MMP16: variants seen among roughly 807,000 people sequenced by gnomAD.
MMP16 encodes the protein matrix metalloproteinase-16.
A neutral mutation model predicts 67.8 loss-of-function variants in MMP16; 12 were observed. The observed-to-expected ratio is 0.18, with a 90% CI of 0.11 to 0.29. The LOEUF (loss-of-function observed/expected upper bound fraction) is 0.29, where lower values mean the gene tolerates loss of function less well. Ranked by LOEUF, MMP16 falls within the 10% of genes least tolerant of loss-of-function variation. The pLI is 1.00. For missense variants in MMP16, 475 were observed against 765.7 expected, an observed-to-expected ratio of 0.62 and a Z score of 4.48; for synonymous variants, 249 against 255.9, an observed-to-expected ratio of 0.97 and a Z score of 0.26.
At chr8:88,087,073 C>T (rs1808846216) in intron 6 of MMP16, among the ~76,000 whole-genome samples, 1 of 151,852 alleles carries the variant, frequency 6.6e-6, no homozygotes, top group Non-Finnish European at 1.5e-5. Context: ...TCTTAGGTGT[C>T]CTCCCAGAAC....
chr8:88,170,572 G>A (rs182531874), intron 3 of MMP16, among the ~76,000 whole-genome samples: 3 of 152,270 alleles, frequency 2.0e-5, no homozygotes, highest in Admixed American at 2.0e-4. Context: ...CACTGTTCCA[G>A]GTGCCAGAGA....
intron 1 of MMP16, among the ~76,000 whole-genome samples, chr8:88,287,268 G>T (rs189990968): frequency 5.1e-4 from 77 of 152,208 alleles, no homozygotes; most frequent in Non-Finnish European, 1.0e-3. Context: ...CCAGCCCTTT[G>T]TTCTCAGTAA....
intron 1 of MMP16, among the ~76,000 whole-genome samples, chr8:88,229,779 C>A (rs543019310): frequency 7.3e-5 from 11 of 151,662 alleles, no homozygotes; most frequent in Non-Finnish European, 1.3e-4. Context: ...ATGTGAATAA[C>A]AAGAGAGATG....
chr8:88,276,092 A>G (rs1448467613), intron 1 of MMP16, among the ~76,000 whole-genome samples: 2 of 152,076 alleles, frequency 1.3e-5, no homozygotes, highest in African/African-American at 4.8e-5. Flanking sequence ...CTTAACATTT[A>G]AAGTTAAGCA....
intron 6 of MMP16, among the ~76,000 whole-genome samples, chr8:88,108,455 G>C (rs771153701): frequency 7.3e-5 from 11 of 151,146 alleles, no homozygotes; most frequent in Non-Finnish European, 1.5e-4. Flanking sequence ...AGGACACTAA[G>C]CATTTGTCTA....
chr8:88,096,472 G>C (rs1425460391), intron 6 of MMP16, among the ~76,000 whole-genome samples: 1 of 151,870 alleles, frequency 6.6e-6, no homozygotes, highest in Non-Finnish European at 1.5e-5. Flanking sequence ...CAAAGTTGAG[G>C]ACTGTATTTC....
chr8:88,076,656 T>G (rs909553915), intron 6 of MMP16, among the ~76,000 whole-genome samples: 1 of 152,106 alleles, frequency 6.6e-6, no homozygotes. Flanking sequence ...AATATGTCGG[T>G]GATATTCTAA....
At chr8:88,166,093 A>T (rs1190141309) in intron 4 of MMP16, among the ~76,000 whole-genome samples, 3 of 152,040 alleles carry the variant, frequency 2.0e-5, no homozygotes, top group Admixed American at 6.6e-5. Context: ...AACCTAATTT[A>T]TCCTATCCAA....
chr8:88,238,627 C>A (rs1170032138), intron 1 of MMP16, among the ~76,000 whole-genome samples: 1 of 142,100 alleles, frequency 7.0e-6, no homozygotes, highest in Non-Finnish European at 1.5e-5. Context: ...GACTGTGCCA[C>A]TGCACTCCAG....
At position 88,034,007 on chromosome 8, in the gene MMP16, G is replaced by A. The variant is rs1192647174; in HGVS notation, c.*7454C>T. ...ATTTCCTTAGCTATCCTATCAACAG[G>A]CAATACCCATCATACTCAGCATTTC... On this transcript the variant is annotated 3_prime_UTR_variant, in exon 10 of 10. Coordinates refer to ENST00000286614, the MANE Select transcript of MMP16 (RefSeq NM_005941.5). The A allele has an allele frequency of 6.6e-6, 1 of 151,842 alleles. No individual in the cohort carries two copies. Among genetic ancestry groups the A allele is most frequent in the African/African-American group, 2.4e-5 (1 of 41,352 alleles). The allele number at this position is 151,842 out of a possible 1,614,324, so 9.4% of individuals were successfully genotyped here. A position where few individuals can be genotyped will look rare whatever the true frequency, so the allele number is the denominator to read the frequency against.
chr8:88,108,271 T>C (rs1378996670), intron 6 of MMP16, among the ~76,000 whole-genome samples: 1 of 151,182 alleles, frequency 6.6e-6, no homozygotes, highest in Non-Finnish European at 1.5e-5. Context: ...CATAAAGAAA[T>C]AAGCTTTAGA....
At chr8:88,117,580 A>G (rs1044571710) in intron 5 of MMP16, among the ~76,000 whole-genome samples, 2 of 152,118 alleles carry the variant, frequency 1.3e-5, no homozygotes, top group Admixed American at 1.3e-4. Flanking sequence ...CTGATGACAC[A>G]CACTTAGAAA....
In MMP16 at chr8:88,073,199, T is replaced by C. The variant is rs193074849; in HGVS notation, c.1222+1406A>G. On this transcript the variant is annotated intron_variant, in intron 7 of 9. Coordinates refer to ENST00000286614, the MANE Select transcript of MMP16 (RefSeq NM_005941.5). ...AGAGGGGAATTTCCCTCCAATATCA[T>C]GTCACTAAAATTCACAGCCTTTAGG... Among the ~76,000 whole-genome samples the C allele has an allele frequency of 1.5e-3, 234 of 152,282 alleles. 1 individual carries two copies. Among genetic ancestry groups the C allele is most frequent in the East Asian group, 5.8e-4 (3 of 5,158 alleles).
At chr8:88,208,707 G>C (rs1809466841) in intron 1 of MMP16, among the ~76,000 whole-genome samples, 1 of 150,036 alleles carries the variant, frequency 6.7e-6, no homozygotes, top group Non-Finnish European at 1.5e-5. Flanking sequence ...CATCAATCTT[G>C]AAACAATAAA....
chr8:88,198,367 C>T (rs1350100672), intron 1 of MMP16, among the ~76,000 whole-genome samples: 3 of 152,074 alleles, frequency 2.0e-5, no homozygotes, highest in Non-Finnish European at 4.4e-5. Context: ...AATTCTGTCC[C>T]TGGCATAAAA....
intron 1 of MMP16, among the ~76,000 whole-genome samples, chr8:88,241,095 T>A (rs1810026617): frequency 6.6e-6 from 1 of 151,482 alleles, no homozygotes; most frequent in African/African-American, 2.4e-5. Flanking sequence ...TTTTTTTTTC[T>A]TAAATAGTAC....
At position 88,034,429 on chromosome 8, in the gene MMP16, ATTGT is replaced by A. The variant is rs1373453340; in HGVS notation, c.*7028_*7031del. 3.3e-5 allele frequency: 5 copies of A among 152,420 alleles called. No individual in the cohort carries two copies. The highest frequency in any genetic ancestry group is 1.2e-4 in the African/African-American group (5 of 41,414). The allele number at this position is 152,420 out of a possible 1,614,324, so 9.4% of individuals were successfully genotyped here. On this transcript the variant is annotated 3_prime_UTR_variant, in exon 10 of 10. Transcript: ENST00000286614. ...CAGGCACACATACCCTTGCTTGGAA[ATTGT>A]TTGTTTGGAAGTAATTAAGATAGTG...
chr8:88,151,699 G>C (rs2129647300), intron 4 of MMP16, among the ~76,000 whole-genome samples: 1 of 151,614 alleles, frequency 6.6e-6, no homozygotes, highest in South Asian at 2.1e-4. Context: ...GAATCTCTGG[G>C]ATGCATTCAA....
intron 4 of MMP16, among the ~76,000 whole-genome samples, chr8:88,127,531 A>G (rs1807955648): frequency 6.6e-6 from 1 of 151,810 alleles, no homozygotes; most frequent in African/African-American, 2.4e-5. Flanking sequence ...TTATTACATT[A>G]TTACATTACT....
Sources: allele counts gnomAD v4.1 joint callset (sites outside exome capture counted in the v4.1 genomes callset), GRCh38; gene constraint gnomAD v4.1.1; transcripts MANE v1.5; gene names NCBI Gene and HGNC (gene_info 2026-07-23, HGNC 2026-07-21).